GREP1: variants seen among roughly 807,000 people sequenced by gnomAD.
GREP1 encodes the protein glycine-rich extracellular protein 1.
chr16:2,994,820 G>A (rs535976771), exon 12 of GREP1: 15 of 399,148 alleles, frequency 3.8e-5, no homozygotes, highest in African/African-American at 1.0e-4. Context: ...TGTGGGGGCC[G>A]TCAAACCCCA....
exon 6 of GREP1, chr16:2,990,459 T>C (rs758931472): frequency 2.5e-6 from 1 of 399,114 alleles, no homozygotes; most frequent in Non-Finnish European, 4.4e-6. Context: ...TCCCAGACAC[T>C]GAAGGGGGCA....
Position 2,996,666 on chromosome 16 carries a change from C to T in GREP1, c.713-7C>T. Reference sequence around the variant, plus strand: ...GGAGTTGATGTCAGCCTCTCTGTCTCTCCCAGGCCTAGGAGCGGGGATGAA... The same window carrying T: ...GGAGTTGATGTCAGCCTCTCTGTCTTTCCCAGGCCTAGGAGCGGGGATGAA... On this transcript the variant is annotated splice_region_variant and splice_polypyrimidine_tract_variant and intron_variant, in intron 19 of 34. Transcript: ENST00000573315. 2.5e-6 allele frequency: 1 copy of T among 399,064 alleles called. No individual in the cohort carries two copies. The allele number at this position is 399,064 out of a possible 1,614,324, so 24.7% of individuals were successfully genotyped here.
rs1296959724 is a variant in GREP1, at chr16:2,991,100, A to T, written c.321A>T (p.Ser107=). Residue 107 remains serine, a splice_region_variant and synonymous_variant, in exon 8 of 35, where the codon TCA becomes TCT. Transcript: ENST00000573315. The surrounding 1 kb of genome is among the most constrained non-coding windows in gnomAD (Gnocchi z 4.9). ...CCTTCCCAGTGGCCGGAGCCCAGTC[A>T]GGTGAGGAAACGTCGGGTGTGGCAG... 2.5e-6 allele frequency: 1 copy of T among 399,030 alleles called. No individual in the cohort carries two copies. The highest frequency in any genetic ancestry group is 2.1e-5 in the African/African-American group (1 of 48,592). The allele number at this position is 399,030 out of a possible 1,614,324, so 24.7% of individuals were successfully genotyped here.
In GREP1 at chr16:2,991,167, G is replaced by A. The variant is rs1275357640; in HGVS notation, c.322+66G>A. On this transcript the variant is annotated intron_variant, in intron 8 of 34. Coordinates refer to ENST00000573315, the Ensembl canonical transcript of GREP1. This position sits in a 1 kb window ranked among gnomAD's most constrained non-coding sequence, Gnocchi z 4.9. ...AGGGAGGGGGAAGGGGCAGAGCAGAGTCAGGGCACCAGGAGCTGGGAGAGC... is the reference window on the plus strand; with the variant it reads ...AGGGAGGGGGAAGGGGCAGAGCAGAATCAGGGCACCAGGAGCTGGGAGAGC... 1 of 399,240 alleles carries A rather than the reference G, an allele frequency of 2.5e-6. No individual in the cohort carries two copies. The highest frequency in any genetic ancestry group is 4.4e-6 in the Non-Finnish European group (1 of 226,264). 24.7% of individuals were successfully genotyped at this position (399,240 alleles called of 1,614,324 possible). A position where few individuals can be genotyped will look rare whatever the true frequency, so the allele number is the denominator to read the frequency against.
At chr16:2,995,920 C>T (rs1337021512) in intron 18 of GREP1, 149 bp downstream of exon 17, 3 of 397,602 alleles carry the variant, frequency 7.5e-6, no homozygotes, top group African/African-American at 6.2e-5. Flanking sequence ...GGTGAGGACA[C>T]CTGGGGTAGG....
intron 10 of GREP1, 181 bp from the exon 12 acceptor site, chr16:2,994,517 T>TA (rs1278218879): frequency 4.8e-5 from 19 of 392,404 alleles, no homozygotes; most frequent in Non-Finnish European, 6.7e-5. Flanking sequence ...CTCAAGAAAA[T>TA]AAAAAAAAGA....
rs983973295 is a variant in GREP1 at position 2,989,357 on chromosome 16, C to T, written c.101-166C>T. On this transcript the variant is annotated intron_variant, in intron 2 of 34. Coordinates refer to ENST00000573315, the Ensembl canonical transcript of GREP1. The surrounding 1 kb of genome is among the most constrained non-coding windows in gnomAD (Gnocchi z 4.2). Reference sequence around the variant, plus strand: ...GGAGGTGGCATCCAGATTTGGGCCCCTTTGTCCCCTTGTAAGTTCCCCTGC... The same window carrying T: ...GGAGGTGGCATCCAGATTTGGGCCCTTTTGTCCCCTTGTAAGTTCCCCTGC... 2 of 397,670 alleles carry T rather than the reference C, an allele frequency of 5.0e-6. No individual in the cohort carries two copies. Among genetic ancestry groups the T allele is most frequent in the Middle Eastern group, 6.3e-4 (1 of 1,586 alleles). 24.6% of individuals were successfully genotyped at this position (397,670 alleles called of 1,614,324 possible). A position where few individuals can be genotyped will look rare whatever the true frequency, so the allele number is the denominator to read the frequency against.
At chr16:2,996,451 C>T (rs1417960782) in intron 18 of GREP1, 45 bp from the exon 18 acceptor site, 6 of 398,932 alleles carry the variant, frequency 1.5e-5, no homozygotes, top group Admixed American at 4.4e-5. Flanking sequence ...CCTGACACCC[C>T]CTCCGAATGC....
Sources: gnomAD v4.1 joint callset for allele counts on GRCh38, gnomAD v4.1.1 for gene constraint, Gnocchi (gnomAD v3.1) non-coding constraint, MANE v1.5 for transcripts, NCBI Gene and HGNC (gene_info 2026-07-23, HGNC 2026-07-21) for gene names.